The following LLGL2 variants were observed in gnomAD, a reference collection of about 807,000 sequenced individuals.
The protein encoded by LLGL2 is LLGL scribble cell polarity complex component 2.
In LLGL2, 81 loss-of-function variants were observed where a neutral mutation model predicts 123.2. The observed-to-expected ratio is 0.66, with a 90% CI of 0.55 to 0.79. LLGL2 has a LOEUF of 0.79. LLGL2 is among the 30% of genes least tolerant of loss of function. The pLI, the probability that LLGL2 is intolerant of heterozygous loss-of-function variation, is 0.00. For missense variants in LLGL2, 1,273 were observed against 1,414.6 expected, an observed-to-expected ratio of 0.90 and a Z score of 1.61; for synonymous variants, 577 against 594.1, an observed-to-expected ratio of 0.97 and a Z score of 0.42.
intron 1 of LLGL2, among the ~76,000 whole-genome samples, chr17:75,528,030 C>A (rs2053635215): frequency 6.6e-6 from 1 of 152,066 alleles, no homozygotes; most frequent in Non-Finnish European, 1.5e-5. Flanking sequence ...CTCAAGTGAT[C>A]CTCCTGCCTC....
At chr17:75,568,069 G>A (rs765646451) in intron 10 of LLGL2, 1 of 1,077,438 alleles carries the variant, frequency 9.3e-7, no homozygotes, top group Non-Finnish European at 1.1e-6. Flanking sequence ...GCCACCCCTA[G>A]CAACTGGTGT....
At position 75,561,166 on chromosome 17, in the gene LLGL2, A is replaced by C. The variant is rs140438443; in HGVS notation, c.530+1756A>C. Among the ~76,000 whole-genome samples, 431 of 151,548 alleles carry C rather than the reference A, an allele frequency of 2.8e-3. 1 individual carries two copies. The highest frequency in any genetic ancestry group is 5.1e-3 in the Non-Finnish European group (349 of 68,004). ...AGTTTAAATTCTCGTCCTCTTGATG[A>C]CACTTATCTAAGTTTTTAAAACGTG... On this transcript the variant is annotated intron_variant, in intron 6 of 25. Transcript: ENST00000392550.
At position 75,573,007 on chromosome 17, in the gene LLGL2, C is replaced by A; in HGVS notation, c.2461-7C>A. The stretch of plus-strand genomic sequence containing the variant: ...CATGGGCATGAACAACCACCCCACG[C>A]CCCCAGGTGTTCACGCTGCCCAAGG... On this transcript the variant is annotated splice_polypyrimidine_tract_variant and splice_region_variant and intron_variant, in intron 19 of 25. Coordinates refer to ENST00000392550, the MANE Select transcript of LLGL2 (RefSeq NM_001031803.2). The A allele has an allele frequency of 6.3e-7, 1 of 1,598,434 alleles. No individual in the cohort carries two copies. Among genetic ancestry groups the A allele is most frequent in the Non-Finnish European group, 8.5e-7 (1 of 1,169,720 alleles).
At chr17:75,529,678 T>A (rs1435265380) in intron 1 of LLGL2, among the ~76,000 whole-genome samples, 1 of 151,504 alleles carries the variant, frequency 6.6e-6, no homozygotes, top group Non-Finnish European at 1.5e-5. Context: ...CTGGCCAAGA[T>A]GGTGAAACCC....
rs1598629330 is a variant in LLGL2 at position 75,569,893 on chromosome 17, A to G, written c.1582-70A>G. On this transcript the variant is annotated intron_variant, in intron 14 of 25. Transcript: ENST00000392550. ...TGGGCCCAGCTCCTTTGCTGTCCCCACTAGTAGCATCCTGCGGCCCTGCCG... is the reference window on the plus strand; with the variant it reads ...TGGGCCCAGCTCCTTTGCTGTCCCCGCTAGTAGCATCCTGCGGCCCTGCCG... 17 of 1,493,950 alleles carry G rather than the reference A, an allele frequency of 1.1e-5. No homozygotes were observed. The South Asian group carries it at 2.2e-4, about 19-fold the overall frequency. The allele number at this position is 1,493,950 out of a possible 1,614,324, so 92.5% of individuals were successfully genotyped here. A position where few individuals can be genotyped will look rare whatever the true frequency, so the allele number is the denominator to read the frequency against.
chr17:75,568,993 G>A lies in LLGL2; in HGVS notation c.1338G>A (p.Thr446=), dbSNP rs757942135. 16 of 1,612,796 alleles carry A rather than the reference G, an allele frequency of 9.9e-6. No homozygotes were observed. Among genetic ancestry groups the A allele is most frequent in the Middle Eastern group, 1.6e-4 (1 of 6,084 alleles). ...DLLLTGHEDG[T]VRFWDASGVC... is the part of the protein sequence containing the mutation. ...CTGCCCACAGGCACGAGGACGGCAC[G>A]GTGCGGTTCTGGGATGCCTCGGGTG... is the stretch of plus-strand genomic sequence containing the variant. The change falls in exon 13 of 26, where the codon ACG becomes ACA. Residue 446 remains threonine, a synonymous_variant. Coordinates refer to ENST00000392550, the MANE Select transcript of LLGL2 (RefSeq NM_001031803.2).
chr17:75,525,249 C>A (rs2053512467), upstream of LLGL2: 1 of 151,832 alleles, frequency 6.6e-6, no homozygotes, highest in Non-Finnish European at 1.5e-5. The surrounding 1 kb of genome is among the most constrained non-coding windows in gnomAD (Gnocchi z 4.8). Flanking sequence ...CCATCCCTCT[C>A]GTGGGGCTGG....
chr17:75,567,897 C>T (rs1765847883), intron 10 of LLGL2: 2 of 244,590 alleles, frequency 8.2e-6, no homozygotes, highest in East Asian at 1.8e-4. Flanking sequence ...GCCGAGATCA[C>T]ACCACTGTAC....
At position 75,558,843 on chromosome 17, in the gene LLGL2, CCCACCTCCTCCAT is replaced by C. The variant is rs1568051948; in HGVS notation, c.371+219_371+231del. 433 of 365,868 alleles carry C rather than the reference CCCACCTCCTCCAT, an allele frequency of 1.2e-3. 9 individuals carry two copies. The highest frequency in any genetic ancestry group is 5.6e-3 in the Middle Eastern group (7 of 1,250). The allele number at this position is 365,868 out of a possible 1,614,324, so 22.7% of individuals were successfully genotyped here. A position where few individuals can be genotyped will look rare whatever the true frequency, so the allele number is the denominator to read the frequency against. ...CACACCACGCCTCCTCCATCCGCACCCCACCTCCTCCATCCGCACCCCGCCTCCTCCATCCGCA... is the reference window on the plus strand; with the variant it reads ...CACACCACGCCTCCTCCATCCGCACCCCGCACCCCGCCTCCTCCATCCGCA... On this transcript the variant is annotated intron_variant, in intron 5 of 25. Coordinates refer to ENST00000392550, the MANE Select transcript of LLGL2 (RefSeq NM_001031803.2). This position sits in a 1 kb window ranked among gnomAD's most constrained non-coding sequence, Gnocchi z 4.0.
rs1470063502 is a variant in LLGL2, at chr17:75,559,736, G to A, written c.530+326G>A. ...ACCCCAGGGGCTCCGCAGCGGGGAAGTCGGGCCCAGACCTCCCTGTGTCAC... is the reference window on the plus strand; with the variant it reads ...ACCCCAGGGGCTCCGCAGCGGGGAAATCGGGCCCAGACCTCCCTGTGTCAC... On this transcript the variant is annotated intron_variant, in intron 6 of 25. Coordinates refer to ENST00000392550, the MANE Select transcript of LLGL2 (RefSeq NM_001031803.2). This position sits in a 1 kb window ranked among gnomAD's most constrained non-coding sequence, Gnocchi z 4.6. Among the ~76,000 whole-genome samples, 1 of 152,254 alleles carries A rather than the reference G, an allele frequency of 6.6e-6. No individual in the cohort carries two copies. Among genetic ancestry groups the A allele is most frequent in the Non-Finnish European group, 1.5e-5 (1 of 68,044 alleles).
chr17:75,537,922 C>T (rs977867178), intron 1 of LLGL2, among the ~76,000 whole-genome samples: 3 of 151,704 alleles, frequency 2.0e-5, no homozygotes, highest in Non-Finnish European at 4.4e-5. Context: ...AATTCTCCTG[C>T]CTCAGCCTCC....
intron 2 of LLGL2, among the ~76,000 whole-genome samples, chr17:75,554,660 CT>C (rs1203075779): frequency 4.6e-5 from 7 of 151,936 alleles, no homozygotes; most frequent in Non-Finnish European, 8.8e-5. Flanking sequence ...AATCCCAGCA[CT>C]TTGGGAGGCC....
At position 75,563,076 on chromosome 17, in the gene LLGL2, C is replaced by T. The variant is rs1568059605; in HGVS notation, c.591C>T (p.His197=). 1 of 1,613,224 alleles carries T rather than the reference C, an allele frequency of 6.2e-7. No individual in the cohort carries two copies. Among genetic ancestry groups the T allele is most frequent in the Non-Finnish European group, 8.5e-7 (1 of 1,180,030 alleles). ...AGATGGTGGAGGCACTGCAGGAGCA[C>T]CCTCGAGACCCCAACCAGATCCTGA... ...VFEMVEALQE[H]PRDPNQILIG... is the part of the protein sequence containing the mutation. The change falls in exon 7 of 26, where the codon CAC becomes CAT. Residue 197 remains histidine (H), a synonymous_variant. Transcript: ENST00000392550.
rs765125785 is a variant in LLGL2, at chr17:75,571,629, C to T, written c.2177-38C>T. On this transcript the variant is annotated intron_variant, in intron 17 of 25. Coordinates refer to ENST00000392550, the MANE Select transcript of LLGL2 (RefSeq NM_001031803.2). The stretch of plus-strand genomic sequence containing the variant: ...GTTGCCCAGCTCCACCCGACTCCCA[C>T]GCTAAGGGTCAGACACCCAAACATG... The T allele has an allele frequency of 9.3e-6, 14 of 1,509,118 alleles. No individual in the cohort carries two copies. The Admixed American group carries it at 1.0e-4, about 11-fold the overall frequency. The allele number at this position is 1,509,118 out of a possible 1,614,324, so 93.5% of individuals were successfully genotyped here.
chr17:75,551,953 A>AC (rs2054694938), intron 2 of LLGL2, among the ~76,000 whole-genome samples: 1 of 152,110 alleles, frequency 6.6e-6, no homozygotes, highest in Admixed American at 6.6e-5. Context: ...ACATGGTGAA[A>AC]CCCCATCTCT....
chr17:75,567,273 G>T (rs1331842110), intron 10 of LLGL2, among the ~76,000 whole-genome samples: 2 of 152,146 alleles, frequency 1.3e-5, no homozygotes, highest in South Asian at 2.1e-4. Flanking sequence ...AGACTAGCCT[G>T]GCCAACATGG....
chr17:75,547,824 C>CAAA, intron 2 of LLGL2, among the ~76,000 whole-genome samples: 1 of 139,588 alleles, frequency 7.2e-6, no homozygotes. Flanking sequence ...GACCCTGTCT[C>CAAA]AAAAAAAAAA....
At chr17:75,574,542 G>C (rs1226679702) in intron 24 of LLGL2, 47 bp downstream of exon 24, 2 of 1,587,688 alleles carry the variant, frequency 1.3e-6, no homozygotes, top group Non-Finnish European at 1.7e-6. Context: ...GGCTCTGCCA[G>C]AGGGCTCAGG....
Position 75,570,189 on chromosome 17 carries a change from T to C in LLGL2, c.1808T>C (p.Val603Ala). ...GCCCTGCACTCTGAGTGGCGGCTCG[T>C]GGCCTTCGGCACCAGCCATGGCTTT... is the stretch of plus-strand genomic sequence containing the variant. Reference protein sequence around the residue: ...SLALHSEWRLVAFGTSHGFGL... With the variant: ...SLALHSEWRLAAFGTSHGFGL... The change falls in exon 15 of 26, where the codon GTG (valine) becomes GCG (alanine). Residue 603 changes from valine to alanine, a missense_variant. Physicochemically the swap from Val to Ala is moderately conservative, Grantham distance 64 (BLOSUM62 0). Coordinates refer to ENST00000392550, the MANE Select transcript of LLGL2 (RefSeq NM_001031803.2). The C allele has an allele frequency of 6.3e-7, 1 of 1,587,438 alleles. No homozygotes were observed. Among genetic ancestry groups the C allele is most frequent in the South Asian group, 1.1e-5 (1 of 88,244 alleles).
Sources: allele counts gnomAD v4.1 joint callset (sites outside exome capture counted in the v4.1 genomes callset), GRCh38; gene constraint gnomAD v4.1.1; non-coding constraint Gnocchi (gnomAD v3.1); transcripts MANE v1.5; gene names NCBI Gene and HGNC (gene_info 2026-07-23, HGNC 2026-07-21).